The following TICAM2 variants were observed in gnomAD, a reference collection of about 807,000 sequenced individuals.
TICAM2 encodes TIR domain-containing adapter molecule 2.
TICAM2 carries 8 observed loss-of-function variants against 7.3 expected under a neutral mutation model. That is an observed-to-expected ratio of 1.10 (90% CI 0.65 to 1.99). TICAM2 has a LOEUF of 1.99. Ranked by LOEUF, TICAM2 falls within the 30% of genes most tolerant of loss-of-function variation. The pLI is 0.00. For missense variants in TICAM2, 304 were observed against 278.8 expected, an observed-to-expected ratio of 1.09 and a Z score of -0.65; for synonymous variants, 113 against 99.6, an observed-to-expected ratio of 1.13 and a Z score of -0.80.
intron 1 of TICAM2, 36 bp downstream of exon 1, chr5:115,602,061 C>CTGG (rs1755775981): frequency 6.6e-6 from 1 of 151,474 alleles, no homozygotes; most frequent in Non-Finnish European, 1.5e-5. Context: ...CCCCGCGCCC[C>CTGG]CGGCGGCGGC....
At chr5:115,582,842 A>G (rs1007043619) in intron 1 of TICAM2, among the ~76,000 whole-genome samples, 1 of 151,646 alleles carries the variant, frequency 6.6e-6, no homozygotes, top group African/African-American at 2.4e-5. Context: ...ACTGTTCAAC[A>G]AAAGTGGTGA....
intron 1 of TICAM2, among the ~76,000 whole-genome samples, chr5:115,594,190 T>A (rs890129069): frequency 7.2e-5 from 11 of 152,220 alleles, no homozygotes; most frequent in Non-Finnish European, 1.2e-4. Flanking sequence ...ACTTAATTTT[T>A]AAAAATGATC....
In TICAM2 at chr5:115,588,078, G is replaced by A. The variant is rs369549202; in HGVS notation, c.-59-6763C>T. Among the ~76,000 whole-genome samples the A allele has an allele frequency of 9.9e-5, 15 of 152,236 alleles. No homozygotes were observed. The East Asian group carries it at 2.3e-3, about 24-fold the overall frequency. On this transcript the variant is annotated intron_variant, in intron 1 of 1. Transcript: ENST00000427199. ...CAGCATCCACTGCATTTAGCACCTT[G>A]ACATTCAGAGGAAAAGGTTGGCTGA...
intron 1 of TICAM2, among the ~76,000 whole-genome samples, chr5:115,588,320 C>T (rs556960397): frequency 5.3e-5 from 8 of 152,278 alleles, no homozygotes; most frequent in Admixed American, 5.2e-4. Context: ...GAGGAATAGG[C>T]CACTTAACTC....
At chr5:115,588,740 C>T (rs746834924) in intron 1 of TICAM2, among the ~76,000 whole-genome samples, 2 of 152,306 alleles carry the variant, frequency 1.3e-5, no homozygotes, top group South Asian at 2.1e-4. Flanking sequence ...TGTACTTACA[C>T]GTCTGAGTTA....
chr5:115,595,387 G>C (rs1020694250), intron 1 of TICAM2, among the ~76,000 whole-genome samples: 1 of 152,138 alleles, frequency 6.6e-6, no homozygotes, highest in African/African-American at 2.4e-5. Context: ...CCTGCTAATA[G>C]ATATGTTTAG....
chr5:115,581,277 G>C lies in TICAM2; in HGVS notation c.-21C>G. 6.2e-7 allele frequency: 1 copy of C among 1,602,614 alleles called. No individual in the cohort carries two copies. Among genetic ancestry groups the C allele is most frequent in the Admixed American group, 1.7e-5 (1 of 59,956 alleles). On this transcript the variant is annotated 5_prime_UTR_variant, in exon 2 of 2. Coordinates refer to ENST00000427199, the MANE Select transcript of TICAM2 (RefSeq NM_021649.7). The stretch of plus-strand genomic sequence containing the variant: ...CCCATTATAAATATCCAAGGCAGAA[G>C]AGGAAAACTTTATGTATTTCTCAGC...
intron 1 of TICAM2, 44 bp from the exon 2 acceptor site, chr5:115,581,359 A>G: frequency 6.6e-7 from 1 of 1,519,246 alleles, no homozygotes; most frequent in South Asian, 1.2e-5. Context: ...AATTTAATCA[A>G]AACATTAAAA....
chr5:115,588,369 T>A (rs1755187368), intron 1 of TICAM2, among the ~76,000 whole-genome samples: 1 of 152,198 alleles, frequency 6.6e-6, no homozygotes, highest in African/African-American at 2.4e-5. Context: ...CTGTGATGAA[T>A]ATTACAGATG....
intron 1 of TICAM2, among the ~76,000 whole-genome samples, chr5:115,595,581 C>T (rs1289907532): frequency 6.6e-6 from 1 of 152,188 alleles, no homozygotes; most frequent in Non-Finnish European, 1.5e-5. Flanking sequence ...CAATGGAAAA[C>T]TGATCCTGTT....
At chr5:115,585,955 A>G (rs949738064) in intron 1 of TICAM2, among the ~76,000 whole-genome samples, 1 of 152,190 alleles carries the variant, frequency 6.6e-6, no homozygotes, top group African/African-American at 2.4e-5. Flanking sequence ...AGTGGTGAGA[A>G]GTGGCTAAAT....
chr5:115,599,880 A>AT (rs1755655931), intron 1 of TICAM2, among the ~76,000 whole-genome samples: 1 of 147,650 alleles, frequency 6.8e-6, no homozygotes, highest in African/African-American at 2.5e-5. Context: ...TTTTTTTGTG[A>AT]TTCTGATAAG....
At position 115,583,198 on chromosome 5, in the gene TICAM2, A is replaced by G. The variant is rs147962390; in HGVS notation, c.-59-1883T>C. ...AGTTGCAGAAAGAAGTTTCCCCTGA[A>G]TGAGAAAACAATAGTTAAACCATCC... On this transcript the variant is annotated intron_variant, in intron 1 of 1. Coordinates refer to ENST00000427199, the MANE Select transcript of TICAM2 (RefSeq NM_021649.7). 4.6e-3 allele frequency among the ~76,000 whole-genome samples: 702 copies of G among 152,348 alleles called. 4 individuals are homozygous for G. Among genetic ancestry groups the G allele is most frequent in the African/African-American group, 0.016 (669 of 41,580 alleles).
intron 1 of TICAM2, among the ~76,000 whole-genome samples, chr5:115,582,098 A>G (rs1487793643): frequency 6.6e-6 from 1 of 152,212 alleles, no homozygotes; most frequent in Non-Finnish European, 1.5e-5. Context: ...TGAAATCAAC[A>G]AAGAATGATT....
At chr5:115,599,998 C>T (rs997898365) in intron 1 of TICAM2, among the ~76,000 whole-genome samples, 2 of 152,096 alleles carry the variant, frequency 1.3e-5, no homozygotes, top group African/African-American at 4.8e-5. Context: ...GCAGAGACTT[C>T]TCAATCATGT....
At position 115,580,727 on chromosome 5, in the gene TICAM2, T is replaced by C. The variant is rs1754889004; in HGVS notation, c.530A>G (p.Asn177Ser). Reference sequence around the variant, plus strand: ...AGTCCTTTCTCGGGGAAGGGGATTGTTCAGGGGCCGCATGGGTATAACAGA... The same window carrying C: ...AGTCCTTTCTCGGGGAAGGGGATTGCTCAGGGGCCGCATGGGTATAACAGA... ...YNSVIPMRPL[N>S]NPLPRERTPF... is the part of the protein sequence containing the mutation. Residue 177 changes from asparagine (N) to serine (S), a missense_variant, in exon 2 of 2, where the codon AAC (asparagine) becomes AGC (serine). Transcript: ENST00000427199. 1.2e-6 allele frequency: 2 copies of C among 1,602,664 alleles called. No homozygotes were observed. The highest frequency in any genetic ancestry group is 1.1e-5 in the South Asian group (1 of 89,326).
chr5:115,592,721 C>T (rs551370655), intron 1 of TICAM2, among the ~76,000 whole-genome samples: 1 of 152,232 alleles, frequency 6.6e-6, no homozygotes, highest in Admixed American at 6.5e-5. Context: ...ATCAGTCTAA[C>T]TCATGATTAT....
chr5:115,581,881 T>A (rs1382990918), intron 1 of TICAM2: 1 of 152,508 alleles, frequency 6.6e-6, no homozygotes, highest in Non-Finnish European at 1.5e-5. Flanking sequence ...GGTTCGGAGC[T>A]TTTTTTTGTT....
At position 115,580,189 on chromosome 5, in the gene TICAM2, A is replaced by G. The variant is rs1311454812; in HGVS notation, c.*360T>C. On this transcript the variant is annotated 3_prime_UTR_variant, in exon 2 of 2. Coordinates refer to ENST00000427199, the MANE Select transcript of TICAM2 (RefSeq NM_021649.7). ...GGCCATTTTTTTTCTGTGTCCTTTGAGATCAAAATTCAGAGAATAAAAGTG... is the reference window on the plus strand; with the variant it reads ...GGCCATTTTTTTTCTGTGTCCTTTGGGATCAAAATTCAGAGAATAAAAGTG... 5.8e-6 allele frequency: 1 copy of G among 171,062 alleles called. No homozygotes were observed. The highest frequency in any genetic ancestry group is 1.2e-5 in the Non-Finnish European group (1 of 80,958). The allele number at this position is 171,062 out of a possible 1,614,324, so 10.6% of individuals were successfully genotyped here.
Sources: allele counts gnomAD v4.1 joint callset (sites outside exome capture counted in the v4.1 genomes callset), GRCh38; gene constraint gnomAD v4.1.1; transcripts MANE v1.5; gene names NCBI Gene and HGNC (gene_info 2026-07-23, HGNC 2026-07-21).